TAF3: variants seen among roughly 807,000 people sequenced by gnomAD.
TAF3 encodes the protein transcription initiation factor TFIID subunit 3.
In TAF3, 7 loss-of-function variants were observed where a neutral mutation model predicts 80.6. The ratio of observed to expected loss-of-function variants is 0.09; its 90% CI spans 0.05 to 0.16. The LOEUF is 0.16. Ranked by LOEUF, TAF3 falls within the 10% of genes least tolerant of loss-of-function variation. The pLI is 1.00. For synonymous variants in TAF3, 444 were observed against 446.1 expected, an observed-to-expected ratio of 1.00 and a Z score of 0.06; for missense variants, 921 against 1,140.2, an observed-to-expected ratio of 0.81 and a Z score of 2.77.
At chr10:7,882,486 G>A (rs1157379214) in intron 2 of TAF3, among the ~76,000 whole-genome samples, 1 of 152,176 alleles carries the variant, frequency 6.6e-6, no homozygotes, top group African/African-American at 2.4e-5. Context: ...TTAAAAAAAA[G>A]AATGTGTTAC....
chr10:7,882,566 A>G (rs373580012), intron 2 of TAF3, among the ~76,000 whole-genome samples: 1 of 152,218 alleles, frequency 6.6e-6, no homozygotes, highest in Non-Finnish European at 1.5e-5. Flanking sequence ...ACAGGAAAAG[A>G]CACGTAGGTT....
intron 4 of TAF3, among the ~76,000 whole-genome samples, chr10:7,979,362 G>GAA (rs5783007): frequency 7.4e-6 from 1 of 134,826 alleles, no homozygotes. Flanking sequence ...AAAAAAAAAT[G>GAA]AAAAAAAAAA....
chr10:7,924,143 T>G (rs1051882038), intron 2 of TAF3, among the ~76,000 whole-genome samples: 1 of 152,204 alleles, frequency 6.6e-6, no homozygotes, highest in African/African-American at 2.4e-5. Flanking sequence ...ACATCATTCT[T>G]AGACAGTGTT....
intron 2 of TAF3, among the ~76,000 whole-genome samples, chr10:7,962,093 C>G (rs746187845): frequency 1.3e-5 from 2 of 152,070 alleles, no homozygotes; most frequent in African/African-American, 2.4e-5. Context: ...TCAGGTAATC[C>G]TACTCCCTCG....
intron 2 of TAF3, chr10:7,833,936 TG>T (rs1239259790): frequency 2.2e-6 from 1 of 446,810 alleles, no homozygotes; most frequent in Non-Finnish European, 3.5e-6. Flanking sequence ...TTCAAGATCT[TG>T]CCATTCCCGC....
chr10:7,967,248 G>A (rs1831581249), intron 3 of TAF3, among the ~76,000 whole-genome samples: 2 of 152,222 alleles, frequency 1.3e-5, no homozygotes, highest in South Asian at 4.1e-4. Flanking sequence ...TGTGTACCTA[G>A]TAAGTTGGCA....
At chr10:7,935,427 T>C (rs551553788) in intron 2 of TAF3, among the ~76,000 whole-genome samples, 33 of 151,414 alleles carry the variant, frequency 2.2e-4, no homozygotes, top group Non-Finnish European at 4.0e-4. Context: ...TGACTAAAAA[T>C]ACAAAAAATA....
At chr10:7,850,706 T>C (rs757300637) in intron 2 of TAF3, among the ~76,000 whole-genome samples, 11 of 151,886 alleles carry the variant, frequency 7.2e-5, no homozygotes, top group African/African-American at 2.2e-4. Context: ...TATATATATA[T>C]ACACACACAT....
chr10:7,850,010 G>A (rs1266226162), intron 2 of TAF3, among the ~76,000 whole-genome samples: 1 of 151,870 alleles, frequency 6.6e-6, no homozygotes, highest in East Asian at 1.9e-4. Context: ...TAAAAAATAG[G>A]GAATATTATT....
intron 2 of TAF3, among the ~76,000 whole-genome samples, chr10:7,957,825 C>CTCTCTA (rs1838152492): frequency 6.6e-6 from 1 of 151,084 alleles, no homozygotes; most frequent in South Asian, 2.1e-4. Context: ...CTCTCTCTCT[C>CTCTCTA]TCGATGTTGG....
intron 2 of TAF3, among the ~76,000 whole-genome samples, chr10:7,880,689 C>T (rs779660538): frequency 3.9e-5 from 6 of 152,018 alleles, no homozygotes; most frequent in Non-Finnish European, 8.8e-5. Flanking sequence ...CCTTTAAGTC[C>T]CTCATCTAGG....
chr10:7,890,213 G>C (rs995820672), intron 2 of TAF3, among the ~76,000 whole-genome samples: 1 of 152,096 alleles, frequency 6.6e-6, no homozygotes, highest in African/African-American at 2.4e-5. Context: ...TTTCTTTTCT[G>C]TGCTTGGAAG....
chr10:7,853,506 G>T (rs1218654220), intron 2 of TAF3, among the ~76,000 whole-genome samples: 1 of 152,204 alleles, frequency 6.6e-6, no homozygotes, highest in African/African-American at 2.4e-5. Context: ...CTGTTCCATT[G>T]TAAGTAGTAC....
intron 2 of TAF3, among the ~76,000 whole-genome samples, chr10:7,896,533 C>T (rs1040114342): frequency 6.6e-6 from 1 of 152,188 alleles, no homozygotes; most frequent in Non-Finnish European, 1.5e-5. Flanking sequence ...CCCCACACAG[C>T]GTGCATGCCA....
intron 2 of TAF3, among the ~76,000 whole-genome samples, chr10:7,926,457 A>C (rs931388773): frequency 6.6e-6 from 1 of 152,226 alleles, no homozygotes; most frequent in Non-Finnish European, 1.5e-5. Context: ...CCAGGTCCAT[A>C]TAGTATAAAC....
At chr10:7,834,897 G>C (rs771877851) in intron 2 of TAF3, among the ~76,000 whole-genome samples, 1 of 152,000 alleles carries the variant, frequency 6.6e-6, no homozygotes, top group African/African-American at 2.4e-5. Flanking sequence ...TATAGCTACT[G>C]TCTTGAGTTC....
intron 4 of TAF3, among the ~76,000 whole-genome samples, chr10:7,995,067 T>C (rs775352469): frequency 6.6e-6 from 1 of 151,450 alleles, no homozygotes; most frequent in Non-Finnish European, 1.5e-5. Context: ...TTATATAAAA[T>C]AGCCTAAAAG....
intron 2 of TAF3, among the ~76,000 whole-genome samples, chr10:7,859,984 A>G (rs1299042814): frequency 3.3e-5 from 5 of 152,208 alleles, no homozygotes; most frequent in African/African-American, 9.6e-5. Flanking sequence ...TTGAAATTCT[A>G]GTTTGGCCAG....
chr10:7,831,646 A>G (rs1400493786), intron 2 of TAF3, among the ~76,000 whole-genome samples: 3 of 152,088 alleles, frequency 2.0e-5, no homozygotes, highest in Non-Finnish European at 4.4e-5. Flanking sequence ...GCCCGGCCTC[A>G]TTACAGTTTT....
Sources: allele counts gnomAD v4.1 joint callset (sites outside exome capture counted in the v4.1 genomes callset), GRCh38; gene constraint gnomAD v4.1.1; transcripts MANE v1.5; gene names NCBI Gene and HGNC (gene_info 2026-07-23, HGNC 2026-07-21).